C12orf54: variants seen among roughly 807,000 people sequenced by gnomAD.
C12orf54 encodes the protein chromosome 12 open reading frame 54.
A neutral mutation model predicts 26.4 loss-of-function variants in C12orf54; 24 were observed. The ratio of observed to expected loss-of-function variants is 0.91; its 90% CI spans 0.66 to 1.28. C12orf54 has a LOEUF of 1.28. C12orf54 is among the 50% of genes most tolerant of loss of function. The pLI is 0.00. For synonymous variants in C12orf54, 54 were observed against 47.0 expected (o/e 1.15, Z -0.61); for missense variants, 154 against 150.9 (o/e 1.02, Z -0.11).
At chr12:48,452,825 C>T in the C12orf54 span, among the ~76,000 whole-genome samples, 1 of 151,646 alleles carries the variant, frequency 6.6e-6, no homozygotes, top group Non-Finnish European at 1.5e-5. Flanking sequence ...ACCAGAATGT[C>T]TATTATTAAA....
chr12:48,486,641 G>T, intron 3 of C12orf54, 47 bp from the exon 4 acceptor site: 1 of 1,558,422 alleles, frequency 6.4e-7, no homozygotes. Flanking sequence ...TTCAGATTCT[G>T]GGAGAGTTGG....
At chr12:48,425,588 T>C in the C12orf54 span, among the ~76,000 whole-genome samples, 1 of 152,156 alleles carries the variant, frequency 6.6e-6, no homozygotes, top group African/African-American at 2.4e-5. Context: ...TCTGGGTATA[T>C]ACCCAGTAGT....
chr12:48,454,454 C>T, the C12orf54 span, among the ~76,000 whole-genome samples: 161 of 152,108 alleles, frequency 1.1e-3, no homozygotes, highest in African/African-American at 3.8e-3. Flanking sequence ...GTCATTTTTA[C>T]CTGACATAGA....
the C12orf54 span, among the ~76,000 whole-genome samples, chr12:48,468,413 T>C: frequency 6.6e-6 from 1 of 152,158 alleles, no homozygotes; most frequent in Non-Finnish European, 1.5e-5. Flanking sequence ...GACTGTGTGC[T>C]TTGTCCTAAG....
the C12orf54 span, among the ~76,000 whole-genome samples, chr12:48,470,818 T>C: frequency 6.6e-6 from 1 of 152,126 alleles, no homozygotes; most frequent in African/African-American, 2.4e-5. Context: ...TTATTCTTTT[T>C]TAATTTTTTA....
At chr12:48,434,498 T>A in the C12orf54 span, among the ~76,000 whole-genome samples, 1 of 152,162 alleles carries the variant, frequency 6.6e-6, no homozygotes, top group Non-Finnish European at 1.5e-5. Context: ...GTAGCCTAAC[T>A]AGGAGGCATC....
Position 48,486,725 on chromosome 12 carries a change from A to G in C12orf54, c.134A>G (p.Gln45Arg). The G allele has an allele frequency of 6.2e-7, 1 of 1,612,838 alleles. No individual in the cohort carries two copies. The highest frequency in any genetic ancestry group is 8.5e-7 in the Non-Finnish European group (1 of 1,178,810). The change falls in exon 4 of 9, where the codon CAG becomes CGG. Residue 45 changes from glutamine (Q) to arginine (R), a missense_variant and splice_region_variant. Coordinates refer to ENST00000548364, the MANE Select transcript of C12orf54 (RefSeq NM_152319.4). The part of the protein sequence containing the change: ...QVTITETLWD[Q>R]VLTVFKDIQK... ...ACCATCACTGAAACCCTGTGGGACC[A>G]GGTGAGTACAGAGGAATCATTTTTG... is the stretch of plus-strand genomic sequence containing the variant.
At chr12:48,463,197 T>A in the C12orf54 span, among the ~76,000 whole-genome samples, 1 of 151,834 alleles carries the variant, frequency 6.6e-6, no homozygotes, top group Non-Finnish European at 1.5e-5. Context: ...TGCAAGATTG[T>A]ACATTGAAAA....
At chr12:48,489,868 T>C (rs912730788) in intron 5 of C12orf54, among the ~76,000 whole-genome samples, 4 of 152,022 alleles carry the variant, frequency 2.6e-5, no homozygotes, top group Admixed American at 6.6e-5. Flanking sequence ...ATTACAGGTA[T>C]GTGCCACCAC....
chr12:48,473,397 G>A, the C12orf54 span: 1 of 877,262 alleles, frequency 1.1e-6, no homozygotes, highest in Admixed American at 2.1e-5. Flanking sequence ...TGAAGATGAG[G>A]GAGAAGACGA....
the C12orf54 span, among the ~76,000 whole-genome samples, chr12:48,471,665 T>C: frequency 6.6e-6 from 1 of 152,220 alleles, no homozygotes; most frequent in Admixed American, 6.5e-5. Flanking sequence ...GTGTAAGGCT[T>C]TATTTCAGAA....
At chr12:48,472,608 G>A in the C12orf54 span, 185 of 1,601,710 alleles carry the variant, frequency 1.2e-4, no homozygotes, top group Middle Eastern at 5.0e-4. Context: ...TTGTGGGTTC[G>A]GGGTTTATTG....
the C12orf54 span, among the ~76,000 whole-genome samples, chr12:48,476,921 A>G: frequency 1.3e-5 from 2 of 152,236 alleles, no homozygotes; most frequent in African/African-American, 2.4e-5. Flanking sequence ...AGAACTCTCC[A>G]TCCCAAATCA....
the C12orf54 span, among the ~76,000 whole-genome samples, chr12:48,448,592 TC>T: frequency 1.3e-5 from 2 of 152,246 alleles, no homozygotes; most frequent in Non-Finnish European, 2.9e-5. Context: ...GACAAGCACA[TC>T]ATCTTCAAAT....
chr12:48,462,724 C>G, the C12orf54 span, among the ~76,000 whole-genome samples: 1 of 151,574 alleles, frequency 6.6e-6, no homozygotes, highest in Non-Finnish European at 1.5e-5. Flanking sequence ...TATAGGGAAA[C>G]TTGTTCAACT....
chr12:48,447,022 G>GTGAT, the C12orf54 span, among the ~76,000 whole-genome samples: 1 of 152,096 alleles, frequency 6.6e-6, no homozygotes, highest in Non-Finnish European at 1.5e-5. Flanking sequence ...AAGTCTTTTA[G>GTGAT]TGATATATAT....
chr12:48,416,691 A>G, the C12orf54 span, among the ~76,000 whole-genome samples: 2 of 151,934 alleles, frequency 1.3e-5, no homozygotes, highest in Non-Finnish European at 2.9e-5. Flanking sequence ...GTGAAACCCC[A>G]TTTCTCCTAA....
the C12orf54 span, among the ~76,000 whole-genome samples, chr12:48,454,820 G>A: frequency 6.6e-6 from 1 of 152,146 alleles, no homozygotes; most frequent in Non-Finnish European, 1.5e-5. Flanking sequence ...TCTAGGGAAG[G>A]CATTAGAATA....
the C12orf54 span, among the ~76,000 whole-genome samples, chr12:48,464,367 G>A: frequency 6.6e-6 from 1 of 151,986 alleles, no homozygotes; most frequent in Non-Finnish European, 1.5e-5. Context: ...AGCTAACCAG[G>A]GAGGTGAAAG....
Sources: gnomAD v4.1 joint callset for allele counts (sites outside exome capture counted in the v4.1 genomes callset) on GRCh38, gnomAD v4.1.1 for gene constraint, MANE v1.5 for transcripts, NCBI Gene and HGNC (gene_info 2026-07-23, HGNC 2026-07-21) for gene names.